Variants in ROR1 observed in about 807,000 individuals in gnomAD.
The protein encoded by ROR1 is inactive tyrosine-protein kinase transmembrane receptor ROR1.
Under a neutral mutation model 78.8 loss-of-function variants are expected in ROR1, and 19 were observed. The ratio of observed to expected loss-of-function variants is 0.24; its 90% CI spans 0.17 to 0.35. The LOEUF is 0.35. ROR1 is among the 10% of genes least tolerant of loss of function. The pLI is 1.00. For synonymous variants in ROR1, 386 were observed against 433.6 expected (o/e 0.89, Z 1.36); for missense variants, 917 against 1,177.8 (o/e 0.78, Z 3.24).
At chr1:63,812,171 AG>A (rs1644863941) in intron 1 of ROR1, among the ~76,000 whole-genome samples, 1 of 152,156 alleles carries the variant, frequency 6.6e-6, no homozygotes, top group South Asian at 2.1e-4. Flanking sequence ...CACGTTGGCC[AG>A]GCTGGTCTCG....
chr1:63,853,870 A>C (rs958785178), intron 1 of ROR1, among the ~76,000 whole-genome samples: 1 of 152,210 alleles, frequency 6.6e-6, no homozygotes. Flanking sequence ...TCTCTACTAA[A>C]ATCACAGCTG....
At chr1:64,034,835 A>G (rs1433297305) in intron 2 of ROR1, among the ~76,000 whole-genome samples, 1 of 152,244 alleles carries the variant, frequency 6.6e-6, no homozygotes, top group Non-Finnish European at 1.5e-5. Context: ...AATGGAACTA[A>G]TAAGAACCAG....
At chr1:64,027,604 A>T (rs1646624086) in intron 2 of ROR1, among the ~76,000 whole-genome samples, 2 of 152,068 alleles carry the variant, frequency 1.3e-5, no homozygotes, top group South Asian at 4.1e-4. Context: ...ATTATATTTC[A>T]ACATGTTAGA....
At chr1:63,915,375 A>G (rs1645601235) in intron 1 of ROR1, among the ~76,000 whole-genome samples, 1 of 152,150 alleles carries the variant, frequency 6.6e-6, no homozygotes, top group African/African-American at 2.4e-5. Context: ...GGTGCACATA[A>G]AAAGTGTTTG....
chr1:64,079,154 C>T (rs1474676616), intron 4 of ROR1, among the ~76,000 whole-genome samples: 1 of 152,138 alleles, frequency 6.6e-6, no homozygotes, highest in Non-Finnish European at 1.5e-5. Flanking sequence ...AACAAGTGGT[C>T]ATTCCTAGGA....
rs564990097 is a variant in ROR1 at position 64,115,703 on chromosome 1, A to G, written c.483-21666A>G. 4.6e-5 allele frequency among the ~76,000 whole-genome samples: 7 copies of G among 152,118 alleles called. No individual in the cohort carries two copies. The East Asian group carries it at 1.2e-3, about 25-fold the overall frequency. On this transcript the variant is annotated intron_variant, in intron 4 of 8. Transcript: ENST00000371079. ...TATCATCTGCTTTTGCTCTATCTCT[A>G]TTCCTGCCTGATGCACCTGAAGGTT...
At chr1:63,796,659 C>T (rs1557500969) in intron 1 of ROR1, among the ~76,000 whole-genome samples, 1 of 152,168 alleles carries the variant, frequency 6.6e-6, no homozygotes. Flanking sequence ...AAGGCAGAAA[C>T]AGGCACAAGC....
At chr1:63,982,917 G>A (rs1333114841) in intron 1 of ROR1, among the ~76,000 whole-genome samples, 1 of 151,964 alleles carries the variant, frequency 6.6e-6, no homozygotes, top group African/African-American at 2.4e-5. Flanking sequence ...TGGTAAAATG[G>A]GAGTAGTAAT....
At chr1:64,016,479 A>C (rs1302170415) in intron 2 of ROR1, among the ~76,000 whole-genome samples, 2 of 152,144 alleles carry the variant, frequency 1.3e-5, no homozygotes, top group Non-Finnish European at 2.9e-5. Flanking sequence ...CAGACAGTTT[A>C]AAATTACACT....
At chr1:64,138,395 C>A (rs1172644585) in intron 5 of ROR1, among the ~76,000 whole-genome samples, 1 of 152,036 alleles carries the variant, frequency 6.6e-6, no homozygotes, top group Non-Finnish European at 1.5e-5. Context: ...TTGTCTTTTT[C>A]TTTATCTGGC....
At chr1:64,093,511 G>A (rs1647223041) in intron 4 of ROR1, among the ~76,000 whole-genome samples, 1 of 151,874 alleles carries the variant, frequency 6.6e-6, no homozygotes, top group Admixed American at 6.6e-5. Flanking sequence ...TTAAAAGAGG[G>A]GTGGGAGGTA....
At chr1:64,034,128 A>T (rs1348267832) in intron 2 of ROR1, among the ~76,000 whole-genome samples, 2 of 151,736 alleles carry the variant, frequency 1.3e-5, no homozygotes, top group African/African-American at 4.8e-5. Flanking sequence ...ATTTGATTCC[A>T]TTGCTGAAAA....
intron 7 of ROR1, among the ~76,000 whole-genome samples, chr1:64,146,271 T>C (rs529235684): frequency 6.6e-6 from 1 of 151,620 alleles, no homozygotes; most frequent in Non-Finnish European, 1.5e-5. Context: ...AGGTCAGGAG[T>C]TCAAGACCAG....
intron 1 of ROR1, among the ~76,000 whole-genome samples, chr1:63,927,559 A>G (rs1042831341): frequency 2.5e-4 from 1 of 3,956 alleles, no homozygotes; most frequent in Non-Finnish European, 1.1e-3. Flanking sequence ...CTTTTTCTTA[A>G]AAAAAAAAAA....
chr1:64,086,323 T>C (rs1045438378), intron 4 of ROR1, among the ~76,000 whole-genome samples: 6 of 152,242 alleles, frequency 3.9e-5, no homozygotes, highest in Admixed American at 1.3e-4. Context: ...CGTCTTTATA[T>C]TCCAAGTCCA....
intron 4 of ROR1, among the ~76,000 whole-genome samples, chr1:64,128,230 G>A (rs1404606182): frequency 6.9e-6 from 1 of 144,818 alleles, no homozygotes; most frequent in Non-Finnish European, 1.5e-5. Flanking sequence ...CAAGGTGGGA[G>A]GATTGCTTGA....
chr1:64,107,676 GTT>G (rs11313918), intron 4 of ROR1, among the ~76,000 whole-genome samples: 45 of 150,472 alleles, frequency 3.0e-4, no homozygotes, highest in African/African-American at 8.8e-4. Context: ...GATTGTATTG[GTT>G]TTTTTTTTTA....
At chr1:63,790,693 G>GCACCCTGCAAGCT (rs1221268280) in intron 1 of ROR1, among the ~76,000 whole-genome samples, 39 of 152,294 alleles carry the variant, frequency 2.6e-4, no homozygotes, top group African/African-American at 8.7e-4. Context: ...GAATAGAGGT[G>GCACCCTGCAAGCT]GTGAATGCTG....
chr1:64,149,590 G>A (rs1569855981), intron 7 of ROR1, among the ~76,000 whole-genome samples: 1 of 152,186 alleles, frequency 6.6e-6, no homozygotes, highest in Non-Finnish European at 1.5e-5. Flanking sequence ...ATCTCACAGG[G>A]TGTGCCCTTC....
Sources: allele counts gnomAD v4.1 joint callset (sites outside exome capture counted in the v4.1 genomes callset), GRCh38; gene constraint gnomAD v4.1.1; transcripts MANE v1.5; gene names NCBI Gene and HGNC (gene_info 2026-07-23, HGNC 2026-07-21).